Variants in TM9SF1 observed in about 807,000 individuals in gnomAD.
TM9SF1 encodes the protein transmembrane 9 superfamily member 1.
In TM9SF1, 25 loss-of-function variants were observed where a neutral mutation model predicts 52.4. That is an observed-to-expected ratio of 0.48 (90% CI 0.35 to 0.67). The LOEUF is 0.67. Ranked by LOEUF, TM9SF1 falls within the 30% of genes least tolerant of loss-of-function variation. The pLI is 0.01. For missense variants in TM9SF1, 604 were observed against 780.3 expected (o/e 0.77, Z 2.69); for synonymous variants, 284 against 299.8 (o/e 0.95, Z 0.55).
At position 24,194,780 on chromosome 14, in the gene TM9SF1, A is replaced by C; in HGVS notation, c.240T>G (p.Gly80=). 1 of 1,614,182 alleles carries C rather than the reference A, an allele frequency of 6.2e-7. No individual in the cohort carries two copies. Among genetic ancestry groups the C allele is most frequent in the South Asian group, 1.1e-5 (1 of 91,088 alleles). Residue 80 remains glycine (G), a synonymous_variant, in exon 2 of 6, where the codon GGT becomes GGG. Transcript: ENST00000261789. ...EKIRHKSLSL[G]EVLDGDRMAE... ...CCATTCGGTCCCCATCCAGCACTTC[A>C]CCCAGGCTAAGGCTTTTGTGACGTA...
At chr14:24,193,580 T>C (rs2039355106) in intron 2 of TM9SF1, among the ~76,000 whole-genome samples, 1 of 149,764 alleles carries the variant, frequency 6.7e-6, no homozygotes, top group Middle Eastern at 3.4e-3. Context: ...TTGGCCAGGC[T>C]AGTCTCAAAT....
At chr14:24,190,931 T>G (rs1021646206) in intron 4 of TM9SF1, among the ~76,000 whole-genome samples, 9 of 142,668 alleles carry the variant, frequency 6.3e-5, no homozygotes, top group Non-Finnish European at 1.2e-4. Context: ...GCGCGATCTC[T>G]GCTCACTGCA....
At position 24,192,027 on chromosome 14, in the gene TM9SF1, G is replaced by C; in HGVS notation, c.1153+144C>G. On this transcript the variant is annotated intron_variant, in intron 4 of 5. Coordinates refer to ENST00000261789, the MANE Select transcript of TM9SF1 (RefSeq NM_006405.7). This position sits in a 1 kb window ranked among gnomAD's most constrained non-coding sequence, Gnocchi z 4.0. The stretch of plus-strand genomic sequence containing the variant: ...GGGTCTCACTATGTTGTCTAGGCTT[G>C]TCTCAAACTTTTGGGCTCAAGTGAT... The C allele has an allele frequency of 2.5e-6, 2 of 803,026 alleles. No individual in the cohort carries two copies. The highest frequency in any genetic ancestry group is 3.1e-5 in the South Asian group (2 of 64,580). 49.7% of individuals were successfully genotyped at this position (803,026 alleles called of 1,614,324 possible).
chr14:24,192,628 A>G lies in TM9SF1; in HGVS notation c.967+20T>C. ...TTCTATCCCATGAGATAAATCCCCA[A>G]TTCATTTTTATCACCTCACCAGTGC... On this transcript the variant is annotated intron_variant, in intron 3 of 5. Coordinates refer to ENST00000261789, the MANE Select transcript of TM9SF1 (RefSeq NM_006405.7). The surrounding 1 kb of genome is among the most constrained non-coding windows in gnomAD (Gnocchi z 4.0). The G allele has an allele frequency of 6.5e-7, 1 of 1,535,866 alleles. No individual in the cohort carries two copies. Among genetic ancestry groups the G allele is most frequent in the Non-Finnish European group, 8.7e-7 (1 of 1,143,614 alleles).
In TM9SF1 at chr14:24,189,285, A is replaced by T; in HGVS notation, c.*130T>A. The stretch of plus-strand genomic sequence containing the variant: ...TTTCCAGGCCCTCTCTGGGGAAGGA[A>T]TGCCCAAAGGGCAAAAGGGAAGGCA... On this transcript the variant is annotated 3_prime_UTR_variant, in exon 6 of 6. Coordinates refer to ENST00000261789, the MANE Select transcript of TM9SF1 (RefSeq NM_006405.7). 1.0e-6 allele frequency: 1 copy of T among 996,204 alleles called. No homozygotes were observed. Among genetic ancestry groups the T allele is most frequent in the South Asian group, 1.8e-5 (1 of 57,116 alleles). 61.7% of individuals were successfully genotyped at this position (996,204 alleles called of 1,614,324 possible).
intron 2 of TM9SF1, among the ~76,000 whole-genome samples, chr14:24,194,437 T>C (rs1177785272): frequency 6.6e-6 from 1 of 152,238 alleles, no homozygotes; most frequent in Non-Finnish European, 1.5e-5. Flanking sequence ...CCCTGGGCTC[T>C]GATATCAGTT....
intron 2 of TM9SF1, among the ~76,000 whole-genome samples, chr14:24,193,623 C>A (rs1473191211): frequency 6.6e-6 from 1 of 150,882 alleles, no homozygotes. Flanking sequence ...CCTCGGCCTC[C>A]CAAAGTGCTG....
rs2039329868 is a variant in TM9SF1, at chr14:24,192,087, C to T, written c.1153+84G>A. 1.4e-6 allele frequency: 2 copies of T among 1,392,302 alleles called. No individual in the cohort carries two copies. The highest frequency in any genetic ancestry group is 2.3e-5 in the East Asian group (1 of 43,602). 86.2% of individuals were successfully genotyped at this position (1,392,302 alleles called of 1,614,324 possible). A position where few individuals can be genotyped will look rare whatever the true frequency, so the allele number is the denominator to read the frequency against. ...TCGGTCTCCCAAAGTGCTAGGATTACAGGTGTGAGCCACTGTGACCAGCCA... is the reference window on the plus strand; with the variant it reads ...TCGGTCTCCCAAAGTGCTAGGATTATAGGTGTGAGCCACTGTGACCAGCCA... On this transcript the variant is annotated intron_variant, in intron 4 of 5. Coordinates refer to ENST00000261789, the MANE Select transcript of TM9SF1 (RefSeq NM_006405.7). This position sits in a 1 kb window ranked among gnomAD's most constrained non-coding sequence, Gnocchi z 4.0.
At chr14:24,193,343 T>TC in intron 2 of TM9SF1, 74 bp from the exon 3 acceptor site, 1 of 1,468,738 alleles carries the variant, frequency 6.8e-7, no homozygotes, top group South Asian at 1.4e-5. Flanking sequence ...TTTCTCACCT[T>TC]CAGCACTACT....
In TM9SF1 at chr14:24,189,571, G is replaced by C; in HGVS notation, c.1665C>G (p.Ala555=). The change falls in exon 6 of 6, where the codon GCC becomes GCG. Residue 555 remains alanine (A), a synonymous_variant. Coordinates refer to ENST00000261789, the MANE Select transcript of TM9SF1 (RefSeq NM_006405.7). ...FIFLYSVFYY[A]RRSNMSGAVQ... is the part of the protein sequence containing the mutation. ...CTGCCCCAGACATGTTGGAGCGCCG[G>C]GCATAATAGAAAACTGAGTAGAGGA... 1 of 1,614,134 alleles carries C rather than the reference G, an allele frequency of 6.2e-7. No individual in the cohort carries two copies.
At chr14:24,193,784 G>T (rs1401995249) in intron 2 of TM9SF1, among the ~76,000 whole-genome samples, 1 of 151,734 alleles carries the variant, frequency 6.6e-6, no homozygotes, top group African/African-American at 2.4e-5. Flanking sequence ...GCTGGGCGTG[G>T]TGGCGGGCGC....
chr14:24,190,475 G>C lies in TM9SF1; in HGVS notation c.1332C>G (p.Pro444=). The C allele has an allele frequency of 6.2e-7, 1 of 1,614,196 alleles. No individual in the cohort carries two copies. The highest frequency in any genetic ancestry group is 8.5e-7 in the Non-Finnish European group (1 of 1,180,010). ...CCCGGGCGATGTTCTTGGTGCGACA[G>C]GGTGCATCAAAGGGGCTGGCGTTGT... ...GKNNASPFDA[P]CRTKNIAREI... Residue 444 remains proline (P), a synonymous_variant, in exon 5 of 6, where the codon CCC becomes CCG. Coordinates refer to ENST00000261789, the MANE Select transcript of TM9SF1 (RefSeq NM_006405.7).
Position 24,194,674 on chromosome 14 carries a change from C to A in TM9SF1, c.345+1G>T. 6.2e-7 allele frequency: 1 copy of A among 1,613,234 alleles called. No individual in the cohort carries two copies. Among genetic ancestry groups the A allele is most frequent in the Non-Finnish European group, 8.5e-7 (1 of 1,179,300 alleles). On this transcript the variant is annotated splice_donor_variant, in intron 2 of 5. Transcript: ENST00000261789. LOFTEE classifies it high-confidence loss of function. ...GTGATAGCCAATGTGGAGAGGCTGA[C>A]CTGTGCAGAACTGAGCTGCATGTGG... is the stretch of plus-strand genomic sequence containing the variant.
chr14:24,191,265 C>T (rs545106666), intron 4 of TM9SF1, among the ~76,000 whole-genome samples: 110 of 152,320 alleles, frequency 7.2e-4, no homozygotes, highest in Non-Finnish European at 1.3e-3. Context: ...CCATCTGCCT[C>T]CAGGGGCCTG....
chr14:24,189,943 C>T, intron 5 of TM9SF1, 135 bp from the exon 6 acceptor site: 1 of 1,410,314 alleles, frequency 7.1e-7, no homozygotes, highest in Non-Finnish European at 9.3e-7. Context: ...CACTCTCTGC[C>T]CCAGATCTCC....
Position 24,193,047 on chromosome 14 carries a change from C to T in TM9SF1, c.568G>A (p.Asp190Asn). 6.2e-7 allele frequency: 1 copy of T among 1,614,228 alleles called. No homozygotes were observed. The highest frequency in any genetic ancestry group is 8.5e-7 in the Non-Finnish European group (1 of 1,180,046). ...SVRDVKPHSLDGLRPDEFLGL... is the reference protein window; with the variant it reads ...SVRDVKPHSLNGLRPDEFLGL... ...AGGAACTCGTCAGGTCGTAACCCAT[C>T]CAAGCTGTGGGGCTTGACGTCCCGC... The change falls in exon 3 of 6, where the codon GAT becomes AAT. Residue 190 changes from aspartate to asparagine, a missense_variant. Around this residue, in one of 3 missense-constraint regions of TM9SF1, gnomAD observed 450 missense variants for 560.1 expected, o/e 0.80. Transcript: ENST00000261789.
At position 24,195,257 on chromosome 14, in the gene TM9SF1, C is replaced by G. The variant is rs559111538; in HGVS notation, c.-18+89G>C. On this transcript the variant is annotated intron_variant, in intron 1 of 5. Coordinates refer to ENST00000261789, the MANE Select transcript of TM9SF1 (RefSeq NM_006405.7). Reference sequence around the variant, plus strand: ...ACCCGCAGCCCGTCTGGCCCGGGGCCTCTACTACGCGCCCTGGCCCGTTTC... The same window carrying G: ...ACCCGCAGCCCGTCTGGCCCGGGGCGTCTACTACGCGCCCTGGCCCGTTTC... 1.3e-3 allele frequency: 685 copies of G among 544,450 alleles called. 7 individuals are homozygous for G. The South Asian group carries it at 0.015, about 12-fold the overall frequency. 33.7% of individuals were successfully genotyped at this position (544,450 alleles called of 1,614,324 possible).
rs1439322668 is a variant in TM9SF1 at position 24,194,890 on chromosome 14, G to A, written c.130C>T (p.Leu44=). 2.5e-6 allele frequency: 4 copies of A among 1,614,100 alleles called. No individual in the cohort carries two copies. In the East Asian group the frequency reaches 8.9e-5, roughly 36 times the overall value. Residue 44 remains leucine (L), a synonymous_variant, in exon 2 of 6, where the codon CTG becomes TTG. Coordinates refer to ENST00000261789, the MANE Select transcript of TM9SF1 (RefSeq NM_006405.7). ...THYKAGDPVI[L]YVNKVGPYHN... ...TAGGGTCCCACTTTGTTGACATACA[G>A]AATAACAGGGTCGCCGGCCTTGTAG... is the stretch of plus-strand genomic sequence containing the variant.
chr14:24,192,553 G>T lies in TM9SF1; in HGVS notation c.967+95C>A. The T allele has an allele frequency of 6.8e-7, 1 of 1,466,394 alleles. No individual in the cohort carries two copies. The allele number at this position is 1,466,394 out of a possible 1,614,324, so 90.8% of individuals were successfully genotyped here. On this transcript the variant is annotated intron_variant, in intron 3 of 5. Coordinates refer to ENST00000261789, the MANE Select transcript of TM9SF1 (RefSeq NM_006405.7). This position sits in a 1 kb window ranked among gnomAD's most constrained non-coding sequence, Gnocchi z 4.0. ...CCCTATCCCTTAGGTCTGCCCCTCT[G>T]GATAGAAGAGAAGATCCACAGACCT... is the stretch of plus-strand genomic sequence containing the variant.
Sources: gnomAD v4.1 joint callset for allele counts (sites outside exome capture counted in the v4.1 genomes callset) on GRCh38, gnomAD v4.1.1 for gene constraint, gnomAD v4.1.1 regional missense constraint, Gnocchi (gnomAD v3.1) non-coding constraint, MANE v1.5 for transcripts, NCBI Gene and HGNC (gene_info 2026-07-23, HGNC 2026-07-21) for gene names.